Variants in NDFIP1 observed in about 807,000 individuals in gnomAD.
NDFIP1 encodes the protein NEDD4 family-interacting protein 1.
In NDFIP1, 7 loss-of-function variants were observed where a neutral mutation model predicts 28.8. The observed-to-expected ratio is 0.24, with a 90% confidence interval of 0.14 to 0.46. The LOEUF is 0.46. NDFIP1 is among the 20% of genes least tolerant of loss of function. NDFIP1 has a pLI of 0.99. For missense variants in NDFIP1, 194 were observed against 269.1 expected, an observed-to-expected ratio of 0.72 and a Z score of 1.95; for synonymous variants, 92 against 101.0, an observed-to-expected ratio of 0.91 and a Z score of 0.53.
rs1358104290 is a variant in NDFIP1 at position 142,153,622 on chromosome 5, A to G, written c.*1894A>G. The stretch of plus-strand genomic sequence containing the variant: ...TTTCTTTGAAGATTTTTTTTTTTCC[A>G]TTTCGAATCAGATTATAGCAACAAT... On this transcript the variant is annotated 3_prime_UTR_variant, in exon 8 of 8. Coordinates refer to ENST00000253814, the MANE Select transcript of NDFIP1 (RefSeq NM_030571.4). 6.5e-6 allele frequency: 2 copies of G among 308,180 alleles called. No homozygotes were observed. Among genetic ancestry groups the G allele is most frequent in the African/African-American group, 4.4e-5 (2 of 45,920 alleles). 19.1% of individuals were successfully genotyped at this position (308,180 alleles called of 1,614,324 possible).
chr5:142,139,481 C>T (rs755465827), intron 5 of NDFIP1, among the ~76,000 whole-genome samples: 25 of 151,918 alleles, frequency 1.6e-4, no homozygotes, highest in Non-Finnish European at 3.5e-4. Context: ...GGCAGTTTCA[C>T]GTATCAGTAT....
chr5:142,134,957 G>T (rs996703407), intron 3 of NDFIP1, among the ~76,000 whole-genome samples: 2 of 151,926 alleles, frequency 1.3e-5, no homozygotes, highest in African/African-American at 4.8e-5. Context: ...TATCAGCCTC[G>T]TAAAGCACTT....
At chr5:142,149,958 G>C (rs777100721) in intron 7 of NDFIP1, among the ~76,000 whole-genome samples, 2 of 152,174 alleles carry the variant, frequency 1.3e-5, no homozygotes, top group Non-Finnish European at 2.9e-5. Context: ...AAGGCGGGCA[G>C]ATCACGAGGT....
chr5:142,124,864 C>T (rs1485380257), intron 1 of NDFIP1, among the ~76,000 whole-genome samples: 1 of 151,560 alleles, frequency 6.6e-6, no homozygotes, highest in African/African-American at 2.4e-5. Context: ...TCGCCTCTGT[C>T]GCCCAGGCGG....
intron 1 of NDFIP1, among the ~76,000 whole-genome samples, chr5:142,119,269 A>G (rs1253375763): frequency 6.6e-6 from 1 of 152,174 alleles, no homozygotes; most frequent in African/African-American, 2.4e-5. Context: ...CATTTACATC[A>G]TTCTTCAGTT....
In NDFIP1 at chr5:142,141,963, G is replaced by A. The variant is rs138866834; in HGVS notation, c.562+1334G>A. 3.5e-4 allele frequency among the ~76,000 whole-genome samples: 53 copies of A among 152,136 alleles called. 1 individual carries two copies. The highest frequency in any genetic ancestry group is 1.2e-3 in the African/African-American group (48 of 41,494). Reference sequence around the variant, plus strand: ...AGCCTGGGCAACATAGCAAGACCTCGTCTCTACAAAAAAATTTTTTTAAAT... The same window carrying A: ...AGCCTGGGCAACATAGCAAGACCTCATCTCTACAAAAAAATTTTTTTAAAT... On this transcript the variant is annotated intron_variant, in intron 6 of 7. Transcript: ENST00000253814.
intron 1 of NDFIP1, among the ~76,000 whole-genome samples, chr5:142,130,149 T>C (rs537486884): frequency 3.9e-5 from 6 of 152,300 alleles, no homozygotes; most frequent in African/African-American, 1.2e-4. Context: ...TATTCTGTTA[T>C]TAATTTTCAG....
chr5:142,119,488 T>G (rs1757101814), intron 1 of NDFIP1, among the ~76,000 whole-genome samples: 1 of 152,238 alleles, frequency 6.6e-6, no homozygotes, highest in Non-Finnish European at 1.5e-5. Flanking sequence ...ACAGTTATCT[T>G]GTTTTGTCAC....
At chr5:142,147,765 TGTA>T (rs1313271973) in intron 7 of NDFIP1, among the ~76,000 whole-genome samples, 2 of 152,142 alleles carry the variant, frequency 1.3e-5, no homozygotes, top group Non-Finnish European at 2.9e-5. Flanking sequence ...AGAGGGAAAA[TGTA>T]GTTTAAAAAT....
chr5:142,139,560 T>A (rs1204676617), intron 5 of NDFIP1, among the ~76,000 whole-genome samples: 1 of 152,206 alleles, frequency 6.6e-6, no homozygotes, highest in East Asian at 1.9e-4. Context: ...CTACCACCTT[T>A]AGAAAGAACT....
At position 142,123,970 on chromosome 5, in the gene NDFIP1, A is replaced by G. The variant is rs868435112; in HGVS notation, c.64-7838A>G. ...ATGCTACTTCTTAATTTAAAATGCT[A>G]TATGTTCATGAGCAGCTAGACTTGC... is the stretch of plus-strand genomic sequence containing the variant. On this transcript the variant is annotated intron_variant, in intron 1 of 7. Transcript: ENST00000253814. 4.6e-5 allele frequency among the ~76,000 whole-genome samples: 7 copies of G among 152,292 alleles called. No homozygotes were observed. The South Asian group carries it at 8.3e-4, about 18-fold the overall frequency.
chr5:142,144,856 A>G (rs1757372286), intron 7 of NDFIP1, among the ~76,000 whole-genome samples, 180 bp downstream of exon 7: 1 of 152,250 alleles, frequency 6.6e-6, no homozygotes, highest in Admixed American at 6.5e-5. Flanking sequence ...AGCTATTGAT[A>G]AAGTCAAATT....
At chr5:142,127,139 C>T (rs1426083656) in intron 1 of NDFIP1, among the ~76,000 whole-genome samples, 1 of 152,092 alleles carries the variant, frequency 6.6e-6, no homozygotes, top group Non-Finnish European at 1.5e-5. Flanking sequence ...CCTAAGCCTC[C>T]CGAGTAGTTG....
chr5:142,116,156 T>G lies in NDFIP1; in HGVS notation c.63+7119T>G, dbSNP rs374954323. Among the ~76,000 whole-genome samples the G allele has an allele frequency of 6.6e-5, 10 of 152,264 alleles. No individual in the cohort carries two copies. In the East Asian group the frequency reaches 1.7e-3, roughly 26 times the overall value. Reference sequence around the variant, plus strand: ...GTAGTAAAGCAAGTGTAACTTGATATCACTTAGCACATCCTGCTGTTACAA... The same window carrying G: ...GTAGTAAAGCAAGTGTAACTTGATAGCACTTAGCACATCCTGCTGTTACAA... On this transcript the variant is annotated intron_variant, in intron 1 of 7. Coordinates refer to ENST00000253814, the MANE Select transcript of NDFIP1 (RefSeq NM_030571.4).
At chr5:142,149,340 C>G (rs1014487336) in intron 7 of NDFIP1, among the ~76,000 whole-genome samples, 18 of 151,476 alleles carry the variant, frequency 1.2e-4, no homozygotes, top group Non-Finnish European at 7.4e-5. Context: ...AATGGTGTTT[C>G]CAGTAGAATT....
chr5:142,153,067 A>G lies in NDFIP1; in HGVS notation c.*1339A>G, dbSNP rs1757464313. On this transcript the variant is annotated 3_prime_UTR_variant, in exon 8 of 8. Transcript: ENST00000253814. ...TAATTATGCTTCAATTTTTAGACAT[A>G]ATTTTAGATAATTTATTTCCAGTGT... is the stretch of plus-strand genomic sequence containing the variant. 2 of 339,252 alleles carry G rather than the reference A, an allele frequency of 5.9e-6. No homozygotes were observed. Among genetic ancestry groups the G allele is most frequent in the South Asian group, 4.7e-5 (2 of 42,336 alleles). 21.0% of individuals were successfully genotyped at this position (339,252 alleles called of 1,614,324 possible). A position where few individuals can be genotyped will look rare whatever the true frequency, so the allele number is the denominator to read the frequency against.
intron 1 of NDFIP1, among the ~76,000 whole-genome samples, chr5:142,124,936 CT>C (rs755280088): frequency 3.3e-5 from 5 of 152,188 alleles, no homozygotes; most frequent in Non-Finnish European, 5.9e-5. Context: ...CACCATTCTC[CT>C]GCCTCAGCCT....
At chr5:142,132,500 CTCT>C (rs1247471871) in intron 3 of NDFIP1, among the ~76,000 whole-genome samples, 158 bp downstream of exon 3, 1 of 152,188 alleles carries the variant, frequency 6.6e-6, no homozygotes, top group Non-Finnish European at 1.5e-5. Context: ...ATAAACTCAT[CTCT>C]TCTTAAAAAT....
intron 1 of NDFIP1, among the ~76,000 whole-genome samples, chr5:142,110,390 C>T (rs1757001613): frequency 6.6e-6 from 1 of 152,094 alleles, no homozygotes; most frequent in African/African-American, 2.4e-5. Flanking sequence ...TGCAAATCAC[C>T]CCTACTGTAT....
Sources: allele counts gnomAD v4.1 joint callset (sites outside exome capture counted in the v4.1 genomes callset), GRCh38; gene constraint gnomAD v4.1.1; transcripts MANE v1.5; gene names NCBI Gene and HGNC (gene_info 2026-07-23, HGNC 2026-07-21).